Variants in KIAA1614 observed in about 807,000 individuals in gnomAD.
KIAA1614 encodes uncharacterized protein KIAA1614.
A neutral mutation model predicts 88.7 loss-of-function variants in KIAA1614; 76 were observed. That is an observed-to-expected ratio of 0.86 (90% CI 0.71 to 1.04). The LOEUF is 1.04. Among genes scored for constraint, KIAA1614 ranks in the 50% least tolerant of loss-of-function variants. The pLI, the probability that KIAA1614 is intolerant of heterozygous loss-of-function variation, is 0.00. For missense variants in KIAA1614, 1,553 were observed against 1,582.5 expected (o/e 0.98, Z 0.32); for synonymous variants, 714 against 675.5 (o/e 1.06, Z -0.88).
In KIAA1614 at chr1:180,949,357, T is replaced by G. The variant is rs1030285602; in HGVS notation, c.*3769T>G. ...AGCATGAAGCATGGGCATCAGGGGGTCCAGCCTGCCCTGGGAGAGCCAGCA... is the reference window on the plus strand; with the variant it reads ...AGCATGAAGCATGGGCATCAGGGGGGCCAGCCTGCCCTGGGAGAGCCAGCA... On this transcript the variant is annotated 3_prime_UTR_variant, in exon 9 of 9. Coordinates refer to ENST00000367588, the MANE Select transcript of KIAA1614 (RefSeq NM_020950.2). 2.6e-5 allele frequency: 4 copies of G among 151,952 alleles called. No individual in the cohort carries two copies. Among genetic ancestry groups the G allele is most frequent in the African/African-American group, 7.3e-5 (3 of 41,328 alleles). The allele number at this position is 151,952 out of a possible 1,614,324, so 9.4% of individuals were successfully genotyped here.
At chr1:180,921,673 G>C (rs1249810544) in intron 3 of KIAA1614, among the ~76,000 whole-genome samples, 6 of 152,212 alleles carry the variant, frequency 3.9e-5, no homozygotes, top group Non-Finnish European at 8.8e-5. Context: ...GGGCAAAGAA[G>C]GGCAGGTGAT....
At position 180,928,552 on chromosome 1, in the gene KIAA1614, C is replaced by G; in HGVS notation, c.1184C>G (p.Pro395Arg). The G allele has an allele frequency of 2.5e-6, 4 of 1,612,600 alleles. No individual in the cohort carries two copies. Among genetic ancestry groups the G allele is most frequent in the Non-Finnish European group, 3.4e-6 (4 of 1,179,702 alleles). Reference protein sequence around the residue: ...RPLRASHDIVPTITQGSRDGH... With the variant: ...RPLRASHDIVRTITQGSRDGH... ...CTCCGTGCCAGCCATGACATCGTGCCCACCATTACCCAGGGCAGCCGGTGA... is the reference window on the plus strand; with the variant it reads ...CTCCGTGCCAGCCATGACATCGTGCGCACCATTACCCAGGGCAGCCGGTGA... Residue 395 changes from proline (P) to arginine (R), a missense_variant, in exon 4 of 9, where the codon CCC becomes CGC. Coordinates refer to ENST00000367588, the MANE Select transcript of KIAA1614 (RefSeq NM_020950.2).
rs755366875 is a variant in KIAA1614, at chr1:180,928,459, T to C, written c.1091T>C (p.Leu364Pro). ...GTTGGTCCCAACCCGGAGCCTGTGC[T>C]GAGCCCCAGGCATGAGGAAGCCACG... The part of the protein sequence containing the change: ...RTVGPNPEPV[L>P]SPRHEEATHL... The change falls in exon 4 of 9, where the codon CTG becomes CCG. Residue 364 changes from leucine to proline, a missense_variant. By Grantham distance (98) the Leu-to-Pro change is moderately conservative. Transcript: ENST00000367588. 8 of 1,613,178 alleles carry C rather than the reference T, an allele frequency of 5.0e-6. No homozygotes were observed. In the Admixed American group the frequency reaches 1.3e-4, roughly 27 times the overall value.
intron 3 of KIAA1614, among the ~76,000 whole-genome samples, chr1:180,918,162 A>T (rs567159162): frequency 6.6e-6 from 1 of 152,168 alleles, no homozygotes; most frequent in East Asian, 1.9e-4. Context: ...CGCATTGCTA[A>T]CTACCTGCTC....
rs190606483 is a variant in KIAA1614, at chr1:180,934,747, C to G, written c.1206-368C>G. Among the ~76,000 whole-genome samples, 37 of 152,350 alleles carry G rather than the reference C, an allele frequency of 2.4e-4. 1 individual carries two copies. The East Asian group carries it at 5.8e-3, about 24-fold the overall frequency. ...CATGGTGGTCAGGCTCACTTCCTCT[C>G]CCTAACAGACACACACACACAGACG... is the stretch of plus-strand genomic sequence containing the variant. On this transcript the variant is annotated intron_variant, in intron 4 of 8. Coordinates refer to ENST00000367588, the MANE Select transcript of KIAA1614 (RefSeq NM_020950.2).
In KIAA1614 at chr1:180,916,390, T is replaced by A. The variant is rs1304466245; in HGVS notation, c.287T>A (p.Val96Glu). ...AGGGCTTTGAAGGAGAAGATGACAG[T>A]GGCCAAACAGGGAGTGAGTCCCTGC... ...KVRALKEKMT[V>E]AKQGVSPCSA... Residue 96 changes from valine to glutamate, a missense_variant, in exon 2 of 9, where the codon GTG (valine) becomes GAG (glutamate). Transcript: ENST00000367588. The A allele has an allele frequency of 1.9e-6, 3 of 1,614,042 alleles. No homozygotes were observed. The highest frequency in any genetic ancestry group is 1.3e-5 in the African/African-American group (1 of 74,898).
In KIAA1614 at chr1:180,945,583, G is replaced by C. The variant is rs948918208; in HGVS notation, c.3568G>C (p.Gly1190Arg). ...GTGGTCAGAGGCTTTTCTGGTCTTTGGCTGAGCCGTGCAGCTCTGGGAATT... is the reference window on the plus strand; with the variant it reads ...GTGGTCAGAGGCTTTTCTGGTCTTTCGCTGAGCCGTGCAGCTCTGGGAATT... ...WLWSEAFLVF[G>R] The change falls in exon 9 of 9, where the codon GGC becomes CGC. Residue 1190 changes from glycine (G) to arginine (R), a missense_variant. Coordinates refer to ENST00000367588, the MANE Select transcript of KIAA1614 (RefSeq NM_020950.2). The C allele has an allele frequency of 2.2e-5, 36 of 1,610,308 alleles. No individual in the cohort carries two copies. The highest frequency in any genetic ancestry group is 1.0e-4 in the Admixed American group (6 of 59,024).
intron 4 of KIAA1614, among the ~76,000 whole-genome samples, chr1:180,932,208 G>A (rs765722860): frequency 3.9e-5 from 6 of 151,950 alleles, no homozygotes; most frequent in Non-Finnish European, 8.8e-5. Context: ...GGGGCCTCCC[G>A]ACGACCATAT....
chr1:180,917,182 CAGAG>C, intron 2 of KIAA1614, 82 bp downstream of exon 2: 1 of 1,083,644 alleles, frequency 9.2e-7, no homozygotes, highest in South Asian at 1.5e-5. Flanking sequence ...GGGGGTCCCA[CAGAG>C]GGAGTGGGGC....
intron 5 of KIAA1614, among the ~76,000 whole-genome samples, chr1:180,937,156 T>G (rs1442179664): frequency 2.6e-5 from 4 of 152,262 alleles, no homozygotes; most frequent in Non-Finnish European, 1.5e-5. Flanking sequence ...TTTCATTCAC[T>G]CATTCATTCC....
At chr1:180,934,324 C>T (rs539688530) in intron 4 of KIAA1614, among the ~76,000 whole-genome samples, 29 of 151,410 alleles carry the variant, frequency 1.9e-4, no homozygotes, top group Non-Finnish European at 3.8e-4. Flanking sequence ...CGCAGTGGTG[C>T]ACACCTGTAA....
rs60128001 is a variant in KIAA1614, at chr1:180,943,550, C to CTTTTTTTTTTTTTTTTTTT, written c.3160-823_3160-822insTTTTTTTTTTTTTTTTTTT. 2.1e-4 allele frequency among the ~76,000 whole-genome samples: 21 copies of CTTTTTTTTTTTTTTTTTTT among 98,184 alleles called. 2 individuals are homozygous for CTTTTTTTTTTTTTTTTTTT. Among genetic ancestry groups the CTTTTTTTTTTTTTTTTTTT allele is most frequent in the Non-Finnish European group, 2.8e-4 (15 of 53,294 alleles). 64.4% of individuals were successfully genotyped at this position (98,184 alleles called of 152,430 possible). The stretch of plus-strand genomic sequence containing the variant: ...ATTGTAGGATTGAATGGTAGTAGAT[C>CTTTTTTTTTTTTTTTTTTT]TTTTTTTTTTTTTTTTGAGACAGGG... On this transcript the variant is annotated intron_variant, in intron 7 of 8. Transcript: ENST00000367588.
At chr1:180,929,329 T>C (rs1654142635) in intron 4 of KIAA1614, among the ~76,000 whole-genome samples, 1 of 152,128 alleles carries the variant, frequency 6.6e-6, no homozygotes, top group Non-Finnish European at 1.5e-5. Context: ...GCATCTGGAA[T>C]GAGCCCAGGG....
intron 3 of KIAA1614, among the ~76,000 whole-genome samples, chr1:180,924,368 T>A (rs1654020759): frequency 6.6e-6 from 1 of 152,202 alleles, no homozygotes. Context: ...GCCAAGAGGT[T>A]CTCACCAAAG....
At chr1:180,914,418 TG>T (rs1653732377) in intron 1 of KIAA1614, among the ~76,000 whole-genome samples, 1 of 152,252 alleles carries the variant, frequency 6.6e-6, no homozygotes, top group Non-Finnish European at 1.5e-5. Flanking sequence ...CTACATGTTT[TG>T]GAAAAGGCCT....
rs1308698899 is a variant in KIAA1614 at position 180,947,608 on chromosome 1, G to T, written c.*2020G>T. The T allele has an allele frequency of 6.6e-6, 1 of 152,220 alleles. No homozygotes were observed. Among genetic ancestry groups the T allele is most frequent in the Non-Finnish European group, 1.5e-5 (1 of 68,060 alleles). 9.4% of individuals were successfully genotyped at this position (152,220 alleles called of 1,614,324 possible). Reference sequence around the variant, plus strand: ...GTCCTTCCTCACAGGCCTTCCCGTAGCCTCCTCTCCCGTTAGGGGAGCAGG... The same window carrying T: ...GTCCTTCCTCACAGGCCTTCCCGTATCCTCCTCTCCCGTTAGGGGAGCAGG... On this transcript the variant is annotated 3_prime_UTR_variant, in exon 9 of 9. Coordinates refer to ENST00000367588, the MANE Select transcript of KIAA1614 (RefSeq NM_020950.2).
At chr1:180,934,265 AAAAAAG>A (rs529799907) in intron 4 of KIAA1614, among the ~76,000 whole-genome samples, 19,682 of 134,876 alleles carry the variant, frequency 0.15, 1,232 homozygotes, top group East Asian at 0.18. Flanking sequence ...AAAAAAAAAA[AAAAAAG>A]AAAAGAAAAG....
intron 7 of KIAA1614, among the ~76,000 whole-genome samples, chr1:180,942,063 A>T (rs868662675): frequency 6.7e-5 from 6 of 90,070 alleles, no homozygotes; most frequent in Admixed American, 1.2e-4. Context: ...CCCCCTCCCC[A>T]CCCCCCCAGC....
At chr1:180,945,198 C>G in intron 8 of KIAA1614, 105 bp from the exon 9 acceptor site, 1 of 1,311,494 alleles carries the variant, frequency 7.6e-7, no homozygotes, top group African/African-American at 1.5e-5. Flanking sequence ...GCCTCCAATG[C>G]CAGGCTCTTA....
Sources: allele counts gnomAD v4.1 joint callset (sites outside exome capture counted in the v4.1 genomes callset), GRCh38; gene constraint gnomAD v4.1.1; transcripts MANE v1.5; gene names NCBI Gene and HGNC (gene_info 2026-07-23, HGNC 2026-07-21).